MTUS2: variants seen among roughly 807,000 people sequenced by gnomAD.
The protein encoded by MTUS2 is microtubule-associated tumor suppressor candidate 2.
MTUS2 carries 40 observed loss-of-function variants against 114.1 expected under a neutral mutation model. That is an observed-to-expected ratio of 0.35 (90% CI 0.27 to 0.46). The LOEUF (loss-of-function observed/expected upper bound fraction) is 0.46, where lower values mean the gene tolerates loss of function less well. Ranked by LOEUF, MTUS2 falls within the 20% of genes least tolerant of loss-of-function variation. MTUS2 has a pLI of 1.00. For synonymous variants in MTUS2, 688 were observed against 672.0 expected (o/e 1.02, Z -0.37); for missense variants, 1,679 against 1,705.4 (o/e 0.98, Z 0.27).
At chr13:28,959,474 A>G (rs1024109488) in intron 2 of MTUS2, among the ~76,000 whole-genome samples, 1 of 152,184 alleles carries the variant, frequency 6.6e-6, no homozygotes, top group Non-Finnish European at 1.5e-5. Flanking sequence ...TTGCATGGCT[A>G]TAAACTGGGT....
chr13:29,061,619 A>T lies in MTUS2; in HGVS notation c.2446+27494A>T, dbSNP rs150154984. On this transcript the variant is annotated intron_variant, in intron 4 of 15. Coordinates refer to ENST00000612955, the MANE Select transcript of MTUS2 (RefSeq NM_001033602.4). ...AAACTTTGGTCTGTATCTTCAACTT[A>T]CCATGATGGACAGCTTCTATTTGAG... 2.5e-3 allele frequency among the ~76,000 whole-genome samples: 378 copies of T among 152,120 alleles called. 1 individual carries two copies. The highest frequency in any genetic ancestry group is 0.014 in the Middle Eastern group (4 of 294).
chr13:29,241,093 A>G (rs751614739), intron 5 of MTUS2, among the ~76,000 whole-genome samples: 1 of 152,216 alleles, frequency 6.6e-6, no homozygotes, highest in Non-Finnish European at 1.5e-5. Flanking sequence ...TATCAAATAC[A>G]TACTGCCCTA....
chr13:29,435,517 C>G (rs559810593), intron 8 of MTUS2, among the ~76,000 whole-genome samples: 1 of 152,122 alleles, frequency 6.6e-6, no homozygotes, highest in Non-Finnish European at 1.5e-5. Context: ...AAGGGAGTCC[C>G]GGGTGTTCAA....
rs573749242 is a variant in MTUS2, at chr13:28,956,469, A to G, written c.-242-67988A>G. ...TTCCCACCTTTGTATGAAACATCCC[A>G]GTAAAACTTGGTTGGCTTCCCCACC... is the stretch of plus-strand genomic sequence containing the variant. On this transcript the variant is annotated intron_variant, in intron 2 of 15. Coordinates refer to ENST00000612955, the MANE Select transcript of MTUS2 (RefSeq NM_001033602.4). 4.6e-3 allele frequency among the ~76,000 whole-genome samples: 700 copies of G among 152,264 alleles called. 8 individuals carry two copies. Among genetic ancestry groups the G allele is most frequent in the African/African-American group, 0.016 (660 of 41,552 alleles).
chr13:29,054,921 A>G (rs1360813444), intron 4 of MTUS2, among the ~76,000 whole-genome samples: 8 of 151,994 alleles, frequency 5.3e-5, no homozygotes, highest in Admixed American at 5.2e-4. Context: ...GTTTCATTCC[A>G]TATGTTCAGG....
At chr13:29,045,104 G>T (rs909062998) in intron 4 of MTUS2, among the ~76,000 whole-genome samples, 1 of 152,146 alleles carries the variant, frequency 6.6e-6, no homozygotes, top group Non-Finnish European at 1.5e-5. Context: ...TACTTTATTA[G>T]GCCAGGCTCT....
intron 5 of MTUS2, among the ~76,000 whole-genome samples, chr13:29,265,478 T>C (rs1198912890): frequency 6.6e-6 from 1 of 152,246 alleles, no homozygotes; most frequent in East Asian, 1.9e-4. Flanking sequence ...TCAGTATCTG[T>C]ATAGCAATGC....
At chr13:28,977,098 T>C (rs1045881120) in intron 2 of MTUS2, among the ~76,000 whole-genome samples, 8 of 152,084 alleles carry the variant, frequency 5.3e-5, no homozygotes, top group Non-Finnish European at 1.0e-4. Context: ...GAATTAGTTG[T>C]ACATAACCCT....
intron 5 of MTUS2, among the ~76,000 whole-genome samples, chr13:29,273,994 A>G (rs1414035388): frequency 1.3e-5 from 2 of 152,170 alleles, no homozygotes; most frequent in Non-Finnish European, 2.9e-5. Context: ...TTCATGTACA[A>G]GCTTTTATGT....
chr13:28,933,816 T>G (rs1261678601), intron 2 of MTUS2, among the ~76,000 whole-genome samples: 1 of 152,236 alleles, frequency 6.6e-6, no homozygotes, highest in Non-Finnish European at 1.5e-5. Context: ...CCTTACTATT[T>G]CCACTCTCTG....
At chr13:29,043,721 T>G (rs546853480) in intron 4 of MTUS2, among the ~76,000 whole-genome samples, 9,388 of 151,688 alleles carry the variant, frequency 0.062, 352 homozygotes, top group African/African-American at 0.088. Context: ...TTTTTTTAAC[T>G]GCTTTTGTTT....
chr13:28,975,478 GCCCTCC>G (rs1884053165), intron 2 of MTUS2, among the ~76,000 whole-genome samples: 7 of 4,608 alleles, frequency 1.5e-3, no homozygotes, highest in African/African-American at 3.9e-3. Flanking sequence ...CGGCAGCATC[GCCCTCC>G]CCTGCGGCAG....
At chr13:29,422,648 C>CTTTTTTTTTTT (rs11342823) in intron 8 of MTUS2, among the ~76,000 whole-genome samples, 6 of 67,980 alleles carry the variant, frequency 8.8e-5, no homozygotes, top group African/African-American at 1.2e-4. Context: ...GATTTCTTTT[C>CTTTTTTTTTTT]TTTTTTTTTT....
intron 2 of MTUS2, among the ~76,000 whole-genome samples, chr13:28,994,246 GC>G (rs36135497): frequency 0.42 from 64,055 of 151,806 alleles, 14,249 homozygotes; most frequent in South Asian, 0.57. Flanking sequence ...TTTTTTTATG[GC>G]TGCACAGTAT....
At position 29,480,889 on chromosome 13, in the gene MTUS2, A is replaced by G. The variant is rs9506193; in HGVS notation, c.3399+525A>G. Among the ~76,000 whole-genome samples, 41,755 of 152,124 alleles carry G rather than the reference A, an allele frequency of 0.27. 7,257 individuals carry two copies. The highest frequency in any genetic ancestry group is 0.43 in the South Asian group (2,081 of 4,810). ...GACACTGCTCTAAGCTCTTTACAGGAACTGACTCATGTAGTCCTCACAGTT... is the reference window on the plus strand; with the variant it reads ...GACACTGCTCTAAGCTCTTTACAGGGACTGACTCATGTAGTCCTCACAGTT... On this transcript the variant is annotated intron_variant, in intron 10 of 15. Transcript: ENST00000612955. The surrounding 1 kb of genome is among the most constrained non-coding windows in gnomAD (Gnocchi z 4.4).
chr13:29,495,673 C>T (rs2138998998), intron 12 of MTUS2, among the ~76,000 whole-genome samples: 1 of 152,140 alleles, frequency 6.6e-6, no homozygotes, highest in South Asian at 2.1e-4. Flanking sequence ...GAGTTCGAGA[C>T]CAGCCTGGGC....
intron 5 of MTUS2, among the ~76,000 whole-genome samples, chr13:29,190,626 TGTTA>T (rs1258504744): frequency 1.3e-5 from 2 of 152,224 alleles, no homozygotes; most frequent in African/African-American, 2.4e-5. Context: ...AGCAACATTG[TGTTA>T]GTTAGGTGTG....
rs117029341 is a variant in MTUS2 at position 29,017,857 on chromosome 13, A to G, written c.-242-6600A>G. Among the ~76,000 whole-genome samples, 198 of 152,366 alleles carry G rather than the reference A, an allele frequency of 1.3e-3. 1 individual carries two copies. Among genetic ancestry groups the G allele is most frequent in the South Asian group, 3.1e-3 (15 of 4,832 alleles). On this transcript the variant is annotated intron_variant, in intron 2 of 15. Coordinates refer to ENST00000612955, the MANE Select transcript of MTUS2 (RefSeq NM_001033602.4). ...TGCCTGTGGCATTAACCTTCAGCCT[A>G]GCGAGCTCATAATTTCATAAAGGGA...
chr13:29,457,485 T>C (rs372949307), intron 9 of MTUS2, among the ~76,000 whole-genome samples: 12 of 144,888 alleles, frequency 8.3e-5, no homozygotes, highest in African/African-American at 3.1e-4. Flanking sequence ...TTTTTATTGT[T>C]GACTAGCATT....
Sources: allele counts gnomAD v4.1 joint callset (sites outside exome capture counted in the v4.1 genomes callset), GRCh38; gene constraint gnomAD v4.1.1; non-coding constraint Gnocchi (gnomAD v3.1); transcripts MANE v1.5; gene names NCBI Gene and HGNC (gene_info 2026-07-23, HGNC 2026-07-21).